NECAB2: variants seen among roughly 807,000 people sequenced by gnomAD.
NECAB2 encodes N-terminal EF-hand calcium binding protein 2.
NECAB2 carries 68 observed loss-of-function variants against 51.9 expected under a neutral mutation model. The ratio of observed to expected loss-of-function variants is 1.31; its 90% CI spans 1.08 to 1.60. The LOEUF (loss-of-function observed/expected upper bound fraction) is 1.60. NECAB2 is among the 40% of genes most tolerant of loss of function. NECAB2 has a pLI of 0.00. For missense variants in NECAB2, 854 were observed against 490.3 expected (o/e 1.74, Z -7.00); for synonymous variants, 329 against 203.5 (o/e 1.62, Z -5.25).
chr16:83,991,816 A>ATTTTTT (rs1222970973), intron 6 of NECAB2, among the ~76,000 whole-genome samples: 5 of 112,540 alleles, frequency 4.4e-5, no homozygotes, highest in African/African-American at 1.8e-4. Flanking sequence ...ACACCCAGCT[A>ATTTTTT]TTTTTTTTTT....
intron 2 of NECAB2, among the ~76,000 whole-genome samples, chr16:83,976,702 G>GTT (rs35409576): frequency 4.0e-5 from 6 of 151,400 alleles, no homozygotes; most frequent in African/African-American, 1.2e-4. Flanking sequence ...GAGCTGCGAT[G>GTT]GGGGCATCTT....
intron 2 of NECAB2, among the ~76,000 whole-genome samples, chr16:83,975,815 C>T (rs2084401952): frequency 6.6e-6 from 1 of 152,168 alleles, no homozygotes; most frequent in African/African-American, 2.4e-5. Context: ...TTAGCAAAGA[C>T]ACCTGCAAAC....
chr16:83,976,095 G>T (rs1375783531), intron 2 of NECAB2, among the ~76,000 whole-genome samples: 1 of 152,154 alleles, frequency 6.6e-6, no homozygotes, highest in Non-Finnish European at 1.5e-5. Context: ...AAGGTACCTG[G>T]ACAGGCACGT....
At chr16:83,991,737 C>T (rs535829372) in intron 6 of NECAB2, among the ~76,000 whole-genome samples, 1 of 151,856 alleles carries the variant, frequency 6.6e-6, no homozygotes, top group Non-Finnish European at 1.5e-5. Flanking sequence ...CAATCTCCAA[C>T]TCAGGTTCAA....
chr16:83,975,435 C>A (rs770586354), intron 2 of NECAB2, among the ~76,000 whole-genome samples: 1 of 152,080 alleles, frequency 6.6e-6, no homozygotes, highest in African/African-American at 2.4e-5. Context: ...AACACTGACG[C>A]TAGCCCTGCC....
At position 83,978,531 on chromosome 16, in the gene NECAB2, C is replaced by G. The variant is rs138901077; in HGVS notation, c.314C>G (p.Thr105Arg). ...NEKELEDLFHTIDSDNTNHVD... is the reference protein window; with the variant it reads ...NEKELEDLFHRIDSDNTNHVD... ...AAAGAACTGGAGGATCTCTTTCACA[C>G]GATTGACTCTGACAACACCAAGTGA... The change falls in exon 3 of 13, where the codon ACG becomes AGG. Residue 105 changes from threonine (T) to arginine (R), a missense_variant. Transcript: ENST00000305202. 1.4e-5 allele frequency: 22 copies of G among 1,613,556 alleles called. 1 individual carries two copies. Among genetic ancestry groups the G allele is most frequent in the South Asian group, 4.4e-5 (4 of 91,042 alleles).
intron 2 of NECAB2, among the ~76,000 whole-genome samples, chr16:83,972,758 G>A (rs921169771): frequency 2.0e-5 from 3 of 152,086 alleles, no homozygotes; most frequent in African/African-American, 4.8e-5. Flanking sequence ...TGTGAGCAGC[G>A]CCTTGTTGTG....
chr16:83,989,935 G>C (rs184413340), intron 5 of NECAB2, among the ~76,000 whole-genome samples: 1 of 152,242 alleles, frequency 6.6e-6, no homozygotes, highest in East Asian at 1.9e-4. Context: ...CCTCCCTTCA[G>C]CTGCTTTTGA....
intron 6 of NECAB2, among the ~76,000 whole-genome samples, chr16:83,993,042 G>T (rs2084646205): frequency 6.6e-6 from 1 of 152,172 alleles, no homozygotes; most frequent in South Asian, 2.1e-4. Context: ...CTTACTTGGG[G>T]ATGTTGTCAG....
chr16:83,972,073 C>T (rs1199712584), intron 1 of NECAB2, 78 bp from the exon 2 acceptor site: 2 of 1,580,738 alleles, frequency 1.3e-6, no homozygotes. Flanking sequence ...AGAGAAGGAT[C>T]CCAGTATCCG....
At chr16:83,984,431 A>G (rs1250433957) in intron 5 of NECAB2, among the ~76,000 whole-genome samples, 1 of 151,984 alleles carries the variant, frequency 6.6e-6, no homozygotes, top group African/African-American at 2.4e-5. Flanking sequence ...AAGTTCAATA[A>G]AAGATCTGCT....
At chr16:83,984,075 C>A (rs989033357) in intron 5 of NECAB2, among the ~76,000 whole-genome samples, 23 of 151,074 alleles carry the variant, frequency 1.5e-4, no homozygotes, top group African/African-American at 2.2e-4. Flanking sequence ...AGCTCACTGC[C>A]AGCTCCGCCT....
At position 83,990,614 on chromosome 16, in the gene NECAB2, C is replaced by T. The variant is rs1269710637; in HGVS notation, c.580C>T (p.Gln194Ter). The change falls in exon 6 of 13, where the codon CAG (glutamine) becomes TAG (stop). Residue 194 changes from glutamine to a stop codon, truncating the protein, a stop_gained. Coordinates refer to ENST00000305202, the MANE Select transcript of NECAB2 (RefSeq NM_019065.3). LOFTEE classifies it high-confidence loss of function. ...VESAVEAIEEQTSQLRQNHIK... is the reference protein window; with the variant it reads ...VESAVEAIEE ...GAGTGCGGTGGAGGCCATCGAGGAA[C>T]AGACCAGCCAGCTCCGGTGAGTCTC... The T allele has an allele frequency of 1.2e-6, 2 of 1,613,958 alleles. No homozygotes were observed. Among genetic ancestry groups the T allele is most frequent in the Non-Finnish European group, 8.5e-7 (1 of 1,180,030 alleles).
Position 84,002,313 on chromosome 16 carries a change from T to TC in NECAB2, c.1133-5_1133-4insC. 1 of 1,613,786 alleles carries TC rather than the reference T, an allele frequency of 6.2e-7. No individual in the cohort carries two copies. Among genetic ancestry groups the TC allele is most frequent in the Non-Finnish European group, 8.5e-7 (1 of 1,179,834 alleles). ...CTTCCCTCTAACGTGTCTCTCTCCT[T>TC]TTAGCTGCTTGGTGCACGGTGGGAC... On this transcript the variant is annotated splice_region_variant and splice_polypyrimidine_tract_variant and intron_variant, in intron 12 of 12. Transcript: ENST00000305202.
Position 84,002,410 on chromosome 16 carries a change from T to TTTTTCTAGACAGACAC in NECAB2, c.*68_*83dup. ...TTCTTCTTGTGAAGGAAATCCCGTT[T>TTTTTCTAGACAGACAC]TTTTCTAGACAGACACTTTGGTGCA... On this transcript the variant is annotated 3_prime_UTR_variant, in exon 13 of 13. Coordinates refer to ENST00000305202, the MANE Select transcript of NECAB2 (RefSeq NM_019065.3). 1 of 1,562,078 alleles carries TTTTTCTAGACAGACAC rather than the reference T, an allele frequency of 6.4e-7. No homozygotes were observed. The highest frequency in any genetic ancestry group is 8.8e-7 in the Non-Finnish European group (1 of 1,133,976).
In NECAB2 at chr16:83,999,543, GC is replaced by G. The variant is rs1038235278; in HGVS notation, c.963-1177del. On this transcript the variant is annotated intron_variant, in intron 10 of 12. Coordinates refer to ENST00000305202, the MANE Select transcript of NECAB2 (RefSeq NM_019065.3). ...CCACCCCAAGATGGAATCCAGCCCG[GC>G]CCCTTCCTCTAGGCTGAGCACTGTA... 2.7e-3 allele frequency among the ~76,000 whole-genome samples: 417 copies of G among 152,254 alleles called. 2 individuals are homozygous for G. Among genetic ancestry groups the G allele is most frequent in the African/African-American group, 9.7e-3 (402 of 41,560 alleles).
intron 11 of NECAB2, 99 bp from the exon 12 acceptor site, chr16:84,001,726 T>A: frequency 2.3e-6 from 3 of 1,318,356 alleles, no homozygotes; most frequent in Non-Finnish European, 3.2e-6. Context: ...TGCTTATTGA[T>A]AAGCTCCCCA....
chr16:83,998,944 A>G lies in NECAB2; in HGVS notation c.962+627A>G, dbSNP rs79616823. On this transcript the variant is annotated intron_variant, in intron 10 of 12. Coordinates refer to ENST00000305202, the MANE Select transcript of NECAB2 (RefSeq NM_019065.3). ...AGAGTGGAGGGGGTTGCAGAAGACA[A>G]CAGCCCTTTGTTCTTGCTGGTAGTG... Among the ~76,000 whole-genome samples the G allele has an allele frequency of 2.5e-4, 38 of 152,264 alleles. No individual in the cohort carries two copies. In the East Asian group the frequency reaches 7.2e-3, roughly 29 times the overall value.
intron 2 of NECAB2, among the ~76,000 whole-genome samples, chr16:83,974,384 G>C (rs757294363): frequency 6.6e-6 from 1 of 152,094 alleles, no homozygotes; most frequent in East Asian, 1.9e-4. Flanking sequence ...TCCTGGCTTC[G>C]CTCATTGAAG....
Sources: gnomAD v4.1 joint callset for allele counts (sites outside exome capture counted in the v4.1 genomes callset) on GRCh38, gnomAD v4.1.1 for gene constraint, MANE v1.5 for transcripts, NCBI Gene and HGNC (gene_info 2026-07-23, HGNC 2026-07-21) for gene names.